UBE2U: variants seen among roughly 807,000 people sequenced by gnomAD.
UBE2U encodes the protein ubiquitin-conjugating enzyme E2 U.
In UBE2U, 39 loss-of-function variants were observed where a neutral mutation model predicts 41.2. The ratio of observed to expected loss-of-function variants is 0.95; its 90% confidence interval spans 0.73 to 1.24. The LOEUF is 1.24. UBE2U is among the 50% of genes most tolerant of loss of function. UBE2U has a pLI of 0.00. For missense variants in UBE2U, 336 were observed against 363.1 expected (o/e 0.93, Z 0.61); for synonymous variants, 107 against 117.8 (o/e 0.91, Z 0.60).
chr1:64,257,817 T>C (rs1645118713), intron 8 of UBE2U, among the ~76,000 whole-genome samples: 1 of 151,812 alleles, frequency 6.6e-6, no homozygotes, highest in African/African-American at 2.4e-5. Flanking sequence ...GTTATGTGAA[T>C]TTCACCCCAA....
At chr1:64,258,267 A>G (rs1330780125) in intron 8 of UBE2U, among the ~76,000 whole-genome samples, 2 of 152,226 alleles carry the variant, frequency 1.3e-5, no homozygotes, top group Admixed American at 1.3e-4. Context: ...TATTTATTAA[A>G]TGAATGAACT....
intron 5 of UBE2U, among the ~76,000 whole-genome samples, chr1:64,215,699 A>G (rs1651958722): frequency 1.3e-5 from 2 of 152,184 alleles, no homozygotes; most frequent in Admixed American, 1.3e-4. Context: ...CCATGTGGAA[A>G]TAGAGCCTGA....
Position 64,239,139 on chromosome 1 carries a change from A to AAGGAGAAGGAGAAGG in UBE2U, c.596-2511_596-2510insGAGAAGGAGAAGGAG, listed in dbSNP as rs1557730519. ...GAAGAAGAAGAAGAAGAAGAAGAAG[A>AAGGAGAAGGAGAAGG]AGAAGAAGAAGAAGAAGAAAGAAGA... is the stretch of plus-strand genomic sequence containing the variant. On this transcript the variant is annotated intron_variant, in intron 7 of 9. Coordinates refer to ENST00000371077, the MANE Select transcript of UBE2U (RefSeq NM_001366232.2). 4.1e-4 allele frequency among the ~76,000 whole-genome samples: 11 copies of AAGGAGAAGGAGAAGG among 26,874 alleles called. 2 individuals are homozygous for AAGGAGAAGGAGAAGG. The highest frequency in any genetic ancestry group is 2.1e-3 in the African/African-American group (11 of 5,266). 17.6% of individuals were successfully genotyped at this position (26,874 alleles called of 152,430 possible).
chr1:64,224,935 T>TCACACACA (rs34259884), intron 6 of UBE2U, among the ~76,000 whole-genome samples: 29 of 146,926 alleles, frequency 2.0e-4, no homozygotes, highest in African/African-American at 6.5e-4. Flanking sequence ...TAGGATATTA[T>TCACACACA]CACACACACA....
intron 4 of UBE2U, among the ~76,000 whole-genome samples, chr1:64,213,501 G>T (rs1448746061): frequency 6.6e-6 from 1 of 152,136 alleles, no homozygotes. Flanking sequence ...ACAGTACCCT[G>T]AGCAGATTTC....
chr1:64,214,048 G>T (rs548184826), intron 4 of UBE2U, among the ~76,000 whole-genome samples: 1 of 152,258 alleles, frequency 6.6e-6, no homozygotes, highest in African/African-American at 2.4e-5. Context: ...TATGTGGCAC[G>T]TGAGTATGTA....
chr1:64,253,556 G>A (rs1420323715), intron 8 of UBE2U, among the ~76,000 whole-genome samples: 3 of 152,176 alleles, frequency 2.0e-5, no homozygotes, highest in African/African-American at 7.2e-5. Flanking sequence ...CAGACTAACA[G>A]TGGACCTCTC....
In UBE2U at chr1:64,239,134, A is replaced by AAGAGGAAGAGGAAGAGGAAGAG. The variant is rs1644756925; in HGVS notation, c.596-2518_596-2517insAGAGGAAGAGGAAGAGGAAGAG. ...AAGAAGAAGAAGAAGAAGAAGAAGA[A>AAGAGGAAGAGGAAGAGGAAGAG]GAAGAAGAAGAAGAAGAAGAAGAAA... On this transcript the variant is annotated intron_variant, in intron 7 of 9. Coordinates refer to ENST00000371077, the MANE Select transcript of UBE2U (RefSeq NM_001366232.2). 2.1e-3 allele frequency among the ~76,000 whole-genome samples: 62 copies of AAGAGGAAGAGGAAGAGGAAGAG among 28,844 alleles called. 3 individuals carry two copies. The highest frequency in any genetic ancestry group is 8.0e-3 in the South Asian group (5 of 622). The allele number at this position is 28,844 out of a possible 152,430, so 18.9% of individuals were successfully genotyped here.
intron 6 of UBE2U, among the ~76,000 whole-genome samples, chr1:64,226,575 C>T (rs1033594611): frequency 2.0e-5 from 3 of 152,046 alleles, no homozygotes; most frequent in African/African-American, 4.8e-5. Context: ...ATGGCTTGGG[C>T]CTGTAATCCC....
In UBE2U at chr1:64,210,797, G is replaced by C; in HGVS notation, c.297G>C (p.Trp99Cys). Residue 99 changes from tryptophan to cysteine, a missense_variant, in exon 4 of 10, where the codon TGG (tryptophan) becomes TGC (cysteine). Trp to Cys is a radical substitution (Grantham distance 215, BLOSUM62 -2). Transcript: ENST00000371077. Reference sequence around the variant, plus strand: ...ACTTTTTGGACAACCCTGAGAAGTGGAATACAAACTATACATTGAGCAGCA... The same window carrying C: ...ACTTTTTGGACAACCCTGAGAAGTGCAATACAAACTATACATTGAGCAGCA... ...CIDFLDNPEK[W>C]NTNYTLSSIL... is the part of the protein sequence containing the mutation. The C allele has an allele frequency of 6.2e-7, 1 of 1,607,704 alleles. No homozygotes were observed. Among genetic ancestry groups the C allele is most frequent in the South Asian group, 1.1e-5 (1 of 90,182 alleles).
intron 7 of UBE2U, among the ~76,000 whole-genome samples, chr1:64,233,933 C>G (rs1644618371): frequency 6.6e-6 from 1 of 152,210 alleles, no homozygotes; most frequent in African/African-American, 2.4e-5. Flanking sequence ...TAGCTGTGCT[C>G]TCCTTGATTT....
chr1:64,223,636 T>C (rs1652648027), intron 6 of UBE2U, among the ~76,000 whole-genome samples: 1 of 152,194 alleles, frequency 6.6e-6, no homozygotes, highest in Non-Finnish European at 1.5e-5. Flanking sequence ...TGTTTATTGT[T>C]GTAGTACATA....
chr1:64,247,185 A>T (rs950005492), intron 8 of UBE2U, among the ~76,000 whole-genome samples: 1 of 151,012 alleles, frequency 6.6e-6, no homozygotes, highest in African/African-American at 2.4e-5. Context: ...AGTATTCTTT[A>T]TTGGTTCCCT....
intron 6 of UBE2U, among the ~76,000 whole-genome samples, chr1:64,224,041 G>A (rs1305383989): frequency 2.6e-5 from 4 of 152,230 alleles, no homozygotes; most frequent in East Asian, 3.9e-4. Flanking sequence ...TTGGTTGCTC[G>A]GTAATCATGA....
At chr1:64,264,130 G>A (rs1366363032) in intron 9 of UBE2U, among the ~76,000 whole-genome samples, 3 of 152,184 alleles carry the variant, frequency 2.0e-5, no homozygotes, top group Non-Finnish European at 2.9e-5. Flanking sequence ...ACTGAACCCA[G>A]GCTGAAAACA....
chr1:64,228,684 CTCT>C (rs1653052519), intron 6 of UBE2U, among the ~76,000 whole-genome samples: 2 of 121,530 alleles, frequency 1.6e-5, no homozygotes, highest in South Asian at 2.6e-4. Flanking sequence ...CTCTCTCTCT[CTCT>C]TTTTTTTTTT....
intron 7 of UBE2U, among the ~76,000 whole-genome samples, chr1:64,238,256 T>C (rs530268196): frequency 6.6e-6 from 1 of 152,138 alleles, no homozygotes; most frequent in East Asian, 1.9e-4. Context: ...AATACAAAAA[T>C]TAGCCCGGCA....
At position 64,256,942 on chromosome 1, in the gene UBE2U, G is replaced by A. The variant is rs561770054; in HGVS notation, c.678-3661G>A. ...AAAAACCATTAAAAAATGGGCAAAG[G>A]ACATGAACAGAAGCTTCTCAAAAGA... On this transcript the variant is annotated intron_variant, in intron 8 of 9. Coordinates refer to ENST00000371077, the MANE Select transcript of UBE2U (RefSeq NM_001366232.2). 5.3e-5 allele frequency among the ~76,000 whole-genome samples: 8 copies of A among 150,744 alleles called. 1 individual carries two copies. The South Asian group carries it at 1.7e-3, about 32-fold the overall frequency.
At chr1:64,239,890 T>C (rs1450594305) in intron 7 of UBE2U, among the ~76,000 whole-genome samples, 2 of 152,144 alleles carry the variant, frequency 1.3e-5, no homozygotes. Flanking sequence ...CACCCAGTAA[T>C]GGGATGGCTG....
Sources: gnomAD v4.1 joint callset for allele counts (sites outside exome capture counted in the v4.1 genomes callset) on GRCh38, gnomAD v4.1.1 for gene constraint, MANE v1.5 for transcripts, NCBI Gene and HGNC (gene_info 2026-07-23, HGNC 2026-07-21) for gene names.